DAB1: variants seen among roughly 807,000 people sequenced by gnomAD.
DAB1 encodes DAB adaptor protein 1.
In DAB1, 15 loss-of-function variants were observed where a neutral mutation model predicts 64.6. That is an observed-to-expected ratio of 0.23 (90% CI 0.16 to 0.36). The LOEUF is 0.36. Among genes scored for constraint, DAB1 ranks in the 10% least tolerant of loss-of-function variants. DAB1 has a pLI of 1.00. For missense variants in DAB1, 596 were observed against 706.7 expected, an observed-to-expected ratio of 0.84 and a Z score of 1.78; for synonymous variants, 235 against 251.9, an observed-to-expected ratio of 0.93 and a Z score of 0.64.
intron 5 of DAB1, among the ~76,000 whole-genome samples, chr1:58,011,661 C>T (rs947709895): frequency 5.3e-5 from 8 of 152,012 alleles, no homozygotes; most frequent in Non-Finnish European, 1.0e-4. Context: ...ACTTCATTTT[C>T]GTCCCCTTCC....
intron 6 of DAB1, among the ~76,000 whole-genome samples, chr1:57,676,159 G>A (rs895383416): frequency 6.6e-6 from 1 of 152,244 alleles, no homozygotes; most frequent in Non-Finnish European, 1.5e-5. Context: ...GCTACAGCAT[G>A]CAGAAGTTGT....
At chr1:58,017,865 GAGCTCTTAAT>G in intron 5 of DAB1, among the ~76,000 whole-genome samples, 1 of 152,288 alleles carries the variant, frequency 6.6e-6, no homozygotes, top group Non-Finnish European at 1.5e-5. Context: ...AAGGTTTATT[GAGCTCTTAAT>G]AGCTCAGGAG....
chr1:58,257,899 T>G (rs185583777), intron 4 of DAB1, among the ~76,000 whole-genome samples: 5 of 152,340 alleles, frequency 3.3e-5, no homozygotes, highest in Admixed American at 2.6e-4. Flanking sequence ...TGACAGGACC[T>G]GGGCCCCTTA....
At chr1:57,315,657 C>G (rs1040366031) in intron 1 of DAB1, among the ~76,000 whole-genome samples, 2 of 152,128 alleles carry the variant, frequency 1.3e-5, no homozygotes, top group Non-Finnish European at 2.9e-5. Context: ...TGCCTGCCAC[C>G]ACGCCCAGCT....
intron 5 of DAB1, among the ~76,000 whole-genome samples, chr1:58,036,412 G>A (rs1647046407): frequency 6.6e-6 from 1 of 152,120 alleles, no homozygotes. Flanking sequence ...TGCCACTCTG[G>A]GCTGCCCACA....
chr1:57,667,519 T>G (rs1236688622), intron 6 of DAB1, among the ~76,000 whole-genome samples: 1 of 152,144 alleles, frequency 6.6e-6, no homozygotes, highest in Admixed American at 6.6e-5. Flanking sequence ...CTATGTTTTG[T>G]GTACTGCCAT....
intron 4 of DAB1, among the ~76,000 whole-genome samples, chr1:58,195,509 A>G (rs1657629351): frequency 6.6e-6 from 1 of 152,256 alleles, no homozygotes; most frequent in Non-Finnish European, 1.5e-5. Flanking sequence ...ATGTAAGAAC[A>G]GACACACAGG....
intron 7 of DAB1, among the ~76,000 whole-genome samples, chr1:57,443,423 A>G (rs533760664): frequency 6.6e-6 from 1 of 152,338 alleles, no homozygotes; most frequent in Non-Finnish European, 1.5e-5. Flanking sequence ...CCCTGAACAT[A>G]CCATGCACTT....
intron 6 of DAB1, among the ~76,000 whole-genome samples, chr1:57,658,093 T>G (rs1558582800): frequency 1.3e-5 from 2 of 152,152 alleles, no homozygotes; most frequent in Non-Finnish European, 2.9e-5. Flanking sequence ...AGGATAGAGA[T>G]AAGTACTGGC....
At chr1:57,453,132 G>C (rs1254134349) in intron 7 of DAB1, among the ~76,000 whole-genome samples, 1 of 152,048 alleles carries the variant, frequency 6.6e-6, no homozygotes, top group Admixed American at 6.6e-5. Context: ...CATGGATCAA[G>C]AATCTTATTG....
At chr1:57,345,023 C>CT (rs1677967718) in intron 1 of DAB1, among the ~76,000 whole-genome samples, 2 of 152,290 alleles carry the variant, frequency 1.3e-5, no homozygotes, top group Middle Eastern at 3.4e-3. Context: ...CCCAGACAGT[C>CT]TTGTTTATCT....
intron 3 of DAB1, among the ~76,000 whole-genome samples, chr1:58,373,483 C>A (rs1644290267): frequency 6.6e-6 from 1 of 151,306 alleles, no homozygotes; most frequent in Non-Finnish European, 1.5e-5. Context: ...TCATCCATGT[C>A]CCTACAAAGG....
intron 7 of DAB1, among the ~76,000 whole-genome samples, chr1:57,471,280 C>A (rs1027242651): frequency 2.0e-5 from 3 of 152,164 alleles, no homozygotes; most frequent in Non-Finnish European, 4.4e-5. Flanking sequence ...AGTTGTAAAG[C>A]AAACTCACCC....
intron 3 of DAB1, among the ~76,000 whole-genome samples, chr1:58,485,568 T>A (rs1645563209): frequency 6.6e-6 from 1 of 152,174 alleles, no homozygotes; most frequent in South Asian, 2.1e-4. Flanking sequence ...CTTTGCATAG[T>A]AAGATTCTAT....
At chr1:57,946,105 A>G (rs537591549) in intron 5 of DAB1, among the ~76,000 whole-genome samples, 1 of 152,206 alleles carries the variant, frequency 6.6e-6, no homozygotes, top group Non-Finnish European at 1.5e-5. Flanking sequence ...GACACAGATC[A>G]CTAGGGTTTT....
chr1:57,048,065 G>T (rs547187599), intron 9 of DAB1, among the ~76,000 whole-genome samples: 1 of 152,200 alleles, frequency 6.6e-6, no homozygotes, highest in Non-Finnish European at 1.5e-5. Flanking sequence ...ATTCTTAAAA[G>T]AACTCTATAA....
intron 7 of DAB1, among the ~76,000 whole-genome samples, chr1:57,069,771 C>T (rs904122958): frequency 6.6e-6 from 1 of 152,114 alleles, no homozygotes; most frequent in African/African-American, 2.4e-5. Context: ...ACTGGAATGC[C>T]TGGGATCCCA....
chr1:57,957,133 G>A (rs1287763632), intron 5 of DAB1, among the ~76,000 whole-genome samples: 1 of 152,206 alleles, frequency 6.6e-6, no homozygotes, highest in Non-Finnish European at 1.5e-5. Context: ...GCTTGTTCAG[G>A]AAAATGTGTG....
intron 1 of DAB1, among the ~76,000 whole-genome samples, chr1:57,836,615 C>T (rs1569815594): frequency 6.6e-6 from 1 of 152,318 alleles, no homozygotes; most frequent in East Asian, 1.9e-4. Context: ...AAATTTCCCA[C>T]CTATGGTATC....
Sources: gnomAD v4.1 joint callset for allele counts (sites outside exome capture counted in the v4.1 genomes callset) on GRCh38, gnomAD v4.1.1 for gene constraint, MANE v1.5 for transcripts, NCBI Gene and HGNC (gene_info 2026-07-23, HGNC 2026-07-21) for gene names.